Variants in SV2C observed in about 807,000 individuals in gnomAD.
The protein encoded by SV2C is solute carrier family 22 member B3.
SV2C carries 49 observed loss-of-function variants against 79.7 expected under a neutral mutation model. The ratio of observed to expected loss-of-function variants is 0.61; its 90% CI spans 0.49 to 0.78. The LOEUF (loss-of-function observed/expected upper bound fraction) is 0.78, where lower values mean the gene tolerates loss of function less well. Ranked by LOEUF, SV2C falls within the 30% of genes least tolerant of loss-of-function variation. The pLI, the probability that SV2C is intolerant of heterozygous loss-of-function variation, is 0.00. For missense variants in SV2C, 833 were observed against 912.9 expected (o/e 0.91, Z 1.13); for synonymous variants, 334 against 333.2 (o/e 1.00, Z -0.03).
chr5:76,279,026 A>T (rs1016143811), intron 4 of SV2C, among the ~76,000 whole-genome samples: 6 of 152,184 alleles, frequency 3.9e-5, no homozygotes, highest in Non-Finnish European at 8.8e-5. Flanking sequence ...TAGAGCTGGA[A>T]CTTACTGATG....
the SV2C span, among the ~76,000 whole-genome samples, chr5:75,966,144 C>T: frequency 6.6e-6 from 1 of 152,164 alleles, no homozygotes; most frequent in African/African-American, 2.4e-5. Flanking sequence ...AAAAAGGAAA[C>T]TTTTCTAGTC....
chr5:75,862,934 A>T, the SV2C span, among the ~76,000 whole-genome samples: 2 of 152,218 alleles, frequency 1.3e-5, no homozygotes, highest in Non-Finnish European at 2.9e-5. Context: ...TGGCTTCGGG[A>T]ATCACGGAAC....
the SV2C span, among the ~76,000 whole-genome samples, chr5:75,963,151 G>A: frequency 7.9e-5 from 12 of 152,216 alleles, no homozygotes; most frequent in East Asian, 1.9e-4. Flanking sequence ...GAGAGTGAAC[G>A]TCTTTCATAT....
chr5:75,945,767 C>T, the SV2C span, among the ~76,000 whole-genome samples: 157 of 151,696 alleles, frequency 1.0e-3, 3 homozygotes, highest in East Asian at 1.4e-3. Flanking sequence ...AAACCAATAA[C>T]GGAAAGATAC....
chr5:76,028,324 G>A, the SV2C span, among the ~76,000 whole-genome samples: 1 of 152,112 alleles, frequency 6.6e-6, no homozygotes, highest in South Asian at 2.1e-4. Flanking sequence ...CCCAATCCCT[G>A]TTTTGCCATC....
intron 4 of SV2C, among the ~76,000 whole-genome samples, chr5:76,249,546 A>G (rs1746050460): frequency 6.6e-6 from 1 of 152,200 alleles, no homozygotes; most frequent in Non-Finnish European, 1.5e-5. Flanking sequence ...ATAAGATTTG[A>G]GGCTTTTGAA....
At chr5:75,953,272 G>A in the SV2C span, among the ~76,000 whole-genome samples, 1 of 151,924 alleles carries the variant, frequency 6.6e-6, no homozygotes, top group Non-Finnish European at 1.5e-5. Context: ...ATCTAGGCAT[G>A]AGGCATCTGC....
At chr5:75,979,590 A>G in the SV2C span, among the ~76,000 whole-genome samples, 4 of 151,656 alleles carry the variant, frequency 2.6e-5, no homozygotes, top group African/African-American at 7.2e-5. Flanking sequence ...AAGCCTTACA[A>G]TTACATGGGA....
chr5:75,855,628 C>T, the SV2C span, among the ~76,000 whole-genome samples: 1 of 152,094 alleles, frequency 6.6e-6, no homozygotes, highest in Admixed American at 6.5e-5. Context: ...ATATGATGAT[C>T]TATGATCAGT....
At chr5:76,103,563 A>G (rs1280318481) in intron 1 of SV2C, among the ~76,000 whole-genome samples, 1 of 152,242 alleles carries the variant, frequency 6.6e-6, no homozygotes, top group African/African-American at 2.4e-5. Context: ...CCTATGGCAC[A>G]TAAAGACAGC....
At chr5:75,937,756 A>G in the SV2C span, among the ~76,000 whole-genome samples, 1 of 151,994 alleles carries the variant, frequency 6.6e-6, no homozygotes, top group Non-Finnish European at 1.5e-5. Context: ...TGCCATTACT[A>G]TTTCTCTAAC....
chr5:75,947,634 C>G, the SV2C span, among the ~76,000 whole-genome samples: 1 of 152,064 alleles, frequency 6.6e-6, no homozygotes, highest in African/African-American at 2.4e-5. Context: ...TCACCAGTGG[C>G]AGCCACAGCT....
the SV2C span, among the ~76,000 whole-genome samples, chr5:75,915,890 A>C: frequency 6.6e-6 from 1 of 152,276 alleles, no homozygotes; most frequent in African/African-American, 2.4e-5. Context: ...GAGCAGGAGA[A>C]AGAGAATGAA....
chr5:75,850,950 A>G, the SV2C span, among the ~76,000 whole-genome samples: 12,178 of 152,268 alleles, frequency 0.08, 619 homozygotes, highest in Admixed American at 0.1. Context: ...CAGGAGGGCT[A>G]CGTGTCCTGT....
the SV2C span, among the ~76,000 whole-genome samples, chr5:76,052,618 G>A: frequency 6.6e-6 from 1 of 152,182 alleles, no homozygotes; most frequent in Non-Finnish European, 1.5e-5. Context: ...CTGGAGGAAA[G>A]GATGTGTGTC....
chr5:76,196,835 T>A (rs1002918122), intron 3 of SV2C, among the ~76,000 whole-genome samples: 1 of 152,244 alleles, frequency 6.6e-6, no homozygotes, highest in Non-Finnish European at 1.5e-5. Context: ...CAATCTGGAT[T>A]GAGACATGGT....
intron 1 of SV2C, among the ~76,000 whole-genome samples, chr5:76,124,358 T>C (rs575632927): frequency 6.6e-6 from 1 of 152,330 alleles, no homozygotes; most frequent in South Asian, 2.1e-4. Context: ...AATAGAATCA[T>C]ATAGTATTTG....
intron 4 of SV2C, among the ~76,000 whole-genome samples, chr5:76,252,988 T>A (rs1746159012): frequency 6.6e-6 from 1 of 152,248 alleles, no homozygotes. Context: ...AATTGTGTAA[T>A]ACATATTGTT....
chr5:76,343,012 C>T (rs920485160), intron 12 of SV2C, among the ~76,000 whole-genome samples: 3 of 152,050 alleles, frequency 2.0e-5, no homozygotes, highest in African/African-American at 7.2e-5. Context: ...GCGTGAGGCA[C>T]CGCACCTGGC....
Sources: allele counts gnomAD v4.1 joint callset (sites outside exome capture counted in the v4.1 genomes callset), GRCh38; gene constraint gnomAD v4.1.1; transcripts MANE v1.5; gene names NCBI Gene and HGNC (gene_info 2026-07-23, HGNC 2026-07-21).